Variants in CPNE4 observed in about 807,000 individuals in gnomAD.
CPNE4 encodes copine 4, also known as copine-4.
Under a neutral mutation model 67.9 loss-of-function variants are expected in CPNE4, and 25 were observed. The ratio of observed to expected loss-of-function variants is 0.37; its 90% CI spans 0.27 to 0.51. The LOEUF (loss-of-function observed/expected upper bound fraction) is 0.51. Among genes scored for constraint, CPNE4 ranks in the 20% least tolerant of loss-of-function variants. CPNE4 has a pLI of 0.93. For missense variants in CPNE4, 464 were observed against 690.8 expected (o/e 0.67, Z 3.68); for synonymous variants, 242 against 244.9 (o/e 0.99, Z 0.11).
chr3:131,650,439 AT>A (rs1205122568), intron 7 of CPNE4, among the ~76,000 whole-genome samples: 2 of 152,154 alleles, frequency 1.3e-5, no homozygotes, highest in Non-Finnish European at 2.9e-5. Context: ...CATCTGTATT[AT>A]TTTTTAACCA....
chr3:131,592,771 C>T (rs1182047091), intron 7 of CPNE4, among the ~76,000 whole-genome samples: 2 of 152,142 alleles, frequency 1.3e-5, no homozygotes, highest in Non-Finnish European at 2.9e-5. Flanking sequence ...CTGTAAACTA[C>T]TAGAATCCTC....
At chr3:131,676,643 C>T (rs1279408842) in intron 6 of CPNE4, among the ~76,000 whole-genome samples, 1 of 152,130 alleles carries the variant, frequency 6.6e-6, no homozygotes, top group Non-Finnish European at 1.5e-5. Context: ...ATTTGGTCTT[C>T]TGTTCATGCA....
intron 7 of CPNE4, among the ~76,000 whole-genome samples, chr3:131,655,837 T>C (rs1486623724): frequency 6.6e-6 from 1 of 152,180 alleles, no homozygotes; most frequent in East Asian, 1.9e-4. Flanking sequence ...TAAACCAGGA[T>C]TTATCATGGT....
intron 7 of CPNE4, among the ~76,000 whole-genome samples, chr3:131,657,479 T>C (rs565708516): frequency 2.6e-5 from 4 of 152,026 alleles, no homozygotes; most frequent in African/African-American, 7.2e-5. Flanking sequence ...ACCTCAGGAA[T>C]TGGGAGTCAG....
At chr3:131,606,527 C>T (rs1029358523) in intron 7 of CPNE4, among the ~76,000 whole-genome samples, 1 of 152,186 alleles carries the variant, frequency 6.6e-6, no homozygotes, top group African/African-American at 2.4e-5. Context: ...GTTCTGGACC[C>T]TCCGTTTTAT....
intron 2 of CPNE4, among the ~76,000 whole-genome samples, chr3:131,898,780 A>G (rs755612404): frequency 6.6e-6 from 1 of 152,076 alleles, no homozygotes; most frequent in African/African-American, 2.4e-5. Flanking sequence ...GTTTTCTTTT[A>G]TATTCAATAC....
intron 2 of CPNE4, among the ~76,000 whole-genome samples, chr3:131,766,707 C>G (rs926108685): frequency 2.6e-5 from 4 of 152,052 alleles, no homozygotes; most frequent in African/African-American, 9.7e-5. Flanking sequence ...AAACTGGATA[C>G]AGCCGTACAA....
At chr3:131,932,361 A>T (rs1035911801) in intron 1 of CPNE4, among the ~76,000 whole-genome samples, 1 of 152,076 alleles carries the variant, frequency 6.6e-6, no homozygotes, top group African/African-American at 2.4e-5. Context: ...CTTTTCAATC[A>T]TCCAGTCAAC....
At position 131,808,958 on chromosome 3, in the gene CPNE4, T is replaced by TA. The variant is rs199703634; in HGVS notation, c.181-85334dup. ...GAATGGACGGAACATGTATCTTTGGTAAAAGTAGCCTGTGGTTTTTCTAAT... is the reference window on the plus strand; with the variant it reads ...GAATGGACGGAACATGTATCTTTGGTAAAAAGTAGCCTGTGGTTTTTCTAAT... On this transcript the variant is annotated intron_variant, in intron 2 of 15. Transcript: ENST00000429747. 6.8e-3 allele frequency among the ~76,000 whole-genome samples: 1,038 copies of TA among 152,246 alleles called. 14 individuals carry two copies. The highest frequency in any genetic ancestry group is 0.023 in the African/African-American group (960 of 41,554).
intron 2 of CPNE4, among the ~76,000 whole-genome samples, chr3:131,843,518 A>G (rs1227475442): frequency 1.3e-5 from 2 of 152,228 alleles, no homozygotes; most frequent in African/African-American, 2.4e-5. Context: ...TTTTAGATAC[A>G]TTTTTAAAAG....
At chr3:132,022,207 C>G (rs1443431080) in intron 1 of CPNE4, among the ~76,000 whole-genome samples, 1 of 152,162 alleles carries the variant, frequency 6.6e-6, no homozygotes, top group Non-Finnish European at 1.5e-5. Flanking sequence ...AAGTAAGGAA[C>G]AAGGAGACCC....
intron 5 of CPNE4, among the ~76,000 whole-genome samples, chr3:131,689,140 T>C (rs887763750): frequency 1.3e-5 from 2 of 152,200 alleles, no homozygotes; most frequent in African/African-American, 4.8e-5. Context: ...ATCTCAACTC[T>C]ACCACATATA....
intron 1 of CPNE4, among the ~76,000 whole-genome samples, chr3:131,981,819 A>G (rs1039463692): frequency 2.0e-5 from 3 of 152,150 alleles, no homozygotes; most frequent in Admixed American, 1.3e-4. Flanking sequence ...AGCTCCAAGT[A>G]AAGTCGGAAA....
intron 7 of CPNE4, among the ~76,000 whole-genome samples, chr3:131,593,948 G>C (rs1336521423): frequency 1.3e-5 from 2 of 152,028 alleles, no homozygotes; most frequent in African/African-American, 4.8e-5. Flanking sequence ...TCAATCTCTT[G>C]ACCTCGTAAT....
At chr3:131,940,323 T>C (rs1442591037) in intron 1 of CPNE4, among the ~76,000 whole-genome samples, 3 of 152,262 alleles carry the variant, frequency 2.0e-5, no homozygotes, top group East Asian at 3.9e-4. Context: ...ATGCCAATTA[T>C]ATAACTCATG....
At chr3:131,974,439 A>T (rs145558323) in intron 1 of CPNE4, among the ~76,000 whole-genome samples, 2 of 152,138 alleles carry the variant, frequency 1.3e-5, no homozygotes, top group African/African-American at 4.8e-5. Flanking sequence ...TGACTTCCCA[A>T]CTCTCCTTGT....
intron 1 of CPNE4, among the ~76,000 whole-genome samples, chr3:132,020,528 C>T (rs567036376): frequency 1.1e-4 from 16 of 152,302 alleles, no homozygotes; most frequent in East Asian, 3.9e-4. Flanking sequence ...ATAGTATATG[C>T]TTTGAATTGG....
At position 131,568,137 on chromosome 3, in the gene CPNE4, T is replaced by A. The variant is rs559071928; in HGVS notation, c.928-3788A>T. Among the ~76,000 whole-genome samples, 8 of 152,136 alleles carry A rather than the reference T, an allele frequency of 5.3e-5. No homozygotes were observed. The East Asian group carries it at 1.2e-3, about 22-fold the overall frequency. On this transcript the variant is annotated intron_variant, in intron 10 of 15. Coordinates refer to ENST00000429747, the MANE Select transcript of CPNE4 (RefSeq NM_130808.3). ...TAGTTCTCATGGTTTAATAAAAAAA[T>A]TTTATCATGTGACTAGACAGCAATG...
chr3:131,631,937 C>T (rs981176587), intron 7 of CPNE4, among the ~76,000 whole-genome samples: 1 of 149,980 alleles, frequency 6.7e-6, no homozygotes, highest in Non-Finnish European at 1.5e-5. Context: ...ACTCTGTCGC[C>T]CAGGCTGGAG....
Sources: gnomAD v4.1 joint callset for allele counts (sites outside exome capture counted in the v4.1 genomes callset) on GRCh38, gnomAD v4.1.1 for gene constraint, MANE v1.5 for transcripts, NCBI Gene and HGNC (gene_info 2026-07-23, HGNC 2026-07-21) for gene names.